CDH18: variants seen among roughly 807,000 people sequenced by gnomAD.
CDH18 encodes the protein cadherin 18, also known as cadherin-18.
In CDH18, 31 loss-of-function variants were observed where a neutral mutation model predicts 67.9. The observed-to-expected ratio is 0.46, with a 90% CI of 0.34 to 0.62. The LOEUF (loss-of-function observed/expected upper bound fraction) is 0.62, where lower values mean the gene tolerates loss of function less well. CDH18 is among the 20% of genes least tolerant of loss of function. The probability of loss-of-function intolerance (pLI) is 0.01; values close to 1 mark genes in which losing one functional copy is unlikely to be tolerated. For missense variants in CDH18, 890 were observed against 975.5 expected, an observed-to-expected ratio of 0.91 and a Z score of 1.17; for synonymous variants, 362 against 347.2, an observed-to-expected ratio of 1.04 and a Z score of -0.48.
At chr5:20,482,718 C>A (rs1752902537) in intron 1 of CDH18, among the ~76,000 whole-genome samples, 2 of 151,890 alleles carry the variant, frequency 1.3e-5, no homozygotes, top group Admixed American at 6.6e-5. Context: ...TGATAAAGTT[C>A]AATATTTCTT....
At chr5:20,567,998 C>G (rs1202381540) in intron 1 of CDH18, among the ~76,000 whole-genome samples, 1 of 152,174 alleles carries the variant, frequency 6.6e-6, no homozygotes, top group Non-Finnish European at 1.5e-5. Context: ...TTTAGAAGCA[C>G]TGAGTGTAAA....
chr5:19,895,804 G>A (rs906523640), intron 2 of CDH18, among the ~76,000 whole-genome samples: 6 of 152,120 alleles, frequency 3.9e-5, no homozygotes, highest in African/African-American at 1.4e-4. Context: ...TGATTGAAAT[G>A]ACAAAGATAC....
rs555988674 is a variant in CDH18 at position 19,579,406 on chromosome 5, A to AT, written c.1000-7575dup. On this transcript the variant is annotated intron_variant, in intron 7 of 12. Coordinates refer to ENST00000382275, the MANE Select transcript of CDH18 (RefSeq NM_004934.5). ...GTATGTGGATTTTTATTATGATCTT[A>AT]TTTTTTTTTGTTTTAGATACATCTG... 1.4e-3 allele frequency among the ~76,000 whole-genome samples: 213 copies of AT among 149,430 alleles called. 2 individuals are homozygous for AT. Among genetic ancestry groups the AT allele is most frequent in the East Asian group, 3.7e-3 (19 of 5,078 alleles).
chr5:19,864,801 A>T (rs906955032), intron 2 of CDH18, among the ~76,000 whole-genome samples: 2 of 152,054 alleles, frequency 1.3e-5, no homozygotes, highest in African/African-American at 4.8e-5. Flanking sequence ...CATATATCTG[A>T]TTTTCTAGCT....
chr5:19,554,776 G>A (rs1213144564), intron 8 of CDH18, among the ~76,000 whole-genome samples: 1 of 151,864 alleles, frequency 6.6e-6, no homozygotes, highest in Admixed American at 6.6e-5. Context: ...AACCAGAAAT[G>A]GAAGATTTTT....
chr5:19,625,685 T>G (rs1364575369), intron 5 of CDH18, among the ~76,000 whole-genome samples: 1 of 152,066 alleles, frequency 6.6e-6, no homozygotes, highest in African/African-American at 2.4e-5. Context: ...CCTTTTTTCA[T>G]AAGGCACCAA....
At chr5:20,387,371 C>T (rs927693921) in intron 1 of CDH18, among the ~76,000 whole-genome samples, 1 of 152,072 alleles carries the variant, frequency 6.6e-6, no homozygotes, top group Admixed American at 6.6e-5. Flanking sequence ...CTCTCTTTGT[C>T]TGTTATTTGT....
intron 2 of CDH18, among the ~76,000 whole-genome samples, chr5:19,960,575 G>A (rs1796700778): frequency 8.1e-6 from 1 of 123,920 alleles, no homozygotes; most frequent in South Asian, 2.3e-4. Flanking sequence ...GTGTGTGTGT[G>A]TGTGTGTGTG....
intron 5 of CDH18, among the ~76,000 whole-genome samples, chr5:19,645,119 T>C (rs1754552919): frequency 6.6e-6 from 1 of 152,244 alleles, no homozygotes; most frequent in Non-Finnish European, 1.5e-5. Context: ...ATGTGGTAAC[T>C]ACTCAATAAA....
At chr5:20,353,875 T>A (rs551242199) in intron 1 of CDH18, among the ~76,000 whole-genome samples, 1 of 152,306 alleles carries the variant, frequency 6.6e-6, no homozygotes, top group East Asian at 1.9e-4. Flanking sequence ...TAGACAGGTT[T>A]CCGTATACTG....
At chr5:20,114,040 G>T (rs1432823159) in intron 2 of CDH18, among the ~76,000 whole-genome samples, 1 of 152,060 alleles carries the variant, frequency 6.6e-6, no homozygotes, top group African/African-American at 2.4e-5. Flanking sequence ...CTGTTGTTTT[G>T]GGGGTTTTCC....
intron 1 of CDH18, among the ~76,000 whole-genome samples, chr5:20,526,285 G>A (rs530605123): frequency 3.3e-5 from 5 of 152,208 alleles, no homozygotes; most frequent in Admixed American, 6.5e-5. Context: ...AGCACCTAGC[G>A]GGGAGGGGCA....
At chr5:20,102,138 A>G (rs1481726590) in intron 2 of CDH18, among the ~76,000 whole-genome samples, 1 of 152,154 alleles carries the variant, frequency 6.6e-6, no homozygotes, top group Non-Finnish European at 1.5e-5. Context: ...GCTGAATTAT[A>G]CATCAATTTC....
At chr5:20,317,108 A>G (rs1000295802) in intron 1 of CDH18, among the ~76,000 whole-genome samples, 1 of 152,080 alleles carries the variant, frequency 6.6e-6, no homozygotes, top group African/African-American at 2.4e-5. Context: ...TTCAAGATGT[A>G]CTATTATAAA....
At chr5:20,285,171 T>C (rs995555477) in intron 1 of CDH18, among the ~76,000 whole-genome samples, 5 of 151,490 alleles carry the variant, frequency 3.3e-5, no homozygotes, top group African/African-American at 1.2e-4. Context: ...ATAATTAATG[T>C]GAAGTAATCA....
At chr5:19,536,034 G>A (rs1749359814) in intron 9 of CDH18, among the ~76,000 whole-genome samples, 1 of 152,084 alleles carries the variant, frequency 6.6e-6, no homozygotes, top group Non-Finnish European at 1.5e-5. Context: ...TATGATGGGT[G>A]GAGAAACTAG....
chr5:20,556,011 G>A (rs1757887036), intron 1 of CDH18, among the ~76,000 whole-genome samples: 1 of 152,118 alleles, frequency 6.6e-6, no homozygotes, highest in African/African-American at 2.4e-5. Context: ...AAAAAATAGA[G>A]AGTCACCATA....
chr5:20,269,955 G>T (rs66551847), intron 1 of CDH18, among the ~76,000 whole-genome samples: 1 of 151,856 alleles, frequency 6.6e-6, no homozygotes, highest in Non-Finnish European at 1.5e-5. Context: ...ACATGCAATA[G>T]GAATTACATG....
chr5:20,160,924 CTT>C (rs1470616102), intron 2 of CDH18, among the ~76,000 whole-genome samples: 1 of 152,212 alleles, frequency 6.6e-6, no homozygotes, highest in Non-Finnish European at 1.5e-5. Context: ...AAAAGAATAA[CTT>C]GTGTCAAGTG....
Sources: allele counts gnomAD v4.1 joint callset (sites outside exome capture counted in the v4.1 genomes callset), GRCh38; gene constraint gnomAD v4.1.1; transcripts MANE v1.5; gene names NCBI Gene and HGNC (gene_info 2026-07-23, HGNC 2026-07-21).